Variants in ADGRL2 observed in about 807,000 individuals in gnomAD.
ADGRL2 encodes adhesion G protein-coupled receptor L2.
Under a neutral mutation model 157.4 loss-of-function variants are expected in ADGRL2, and 44 were observed. The observed-to-expected ratio is 0.28, with a 90% confidence interval of 0.22 to 0.36. The LOEUF (loss-of-function observed/expected upper bound fraction) is 0.36, where lower values mean the gene tolerates loss of function less well. Ranked by LOEUF, ADGRL2 falls within the 10% of genes least tolerant of loss-of-function variation. The pLI is 1.00. For missense variants in ADGRL2, 1,510 were observed against 1,768.9 expected (o/e 0.85, Z 2.63); for synonymous variants, 585 against 624.7 (o/e 0.94, Z 0.95).
Position 81,406,012 on chromosome 1 carries a change from G to T in ADGRL2, c.-301-39024G>T, listed in dbSNP as rs979990730. Among the ~76,000 whole-genome samples the T allele has an allele frequency of 9.2e-5, 14 of 152,258 alleles. No individual in the cohort carries two copies. The East Asian group carries it at 2.7e-3, about 29-fold the overall frequency. ...AGTAGAAAGATTTCCCATCTTTACT[G>T]TAATTATCTTGAAAAAGTTTGAGAA... On this transcript the variant is annotated intron_variant, in intron 1 of 24. Coordinates refer to the ADGRL2 transcript ENST00000370721.
intron 2 of ADGRL2, among the ~76,000 whole-genome samples, chr1:81,545,146 C>A (rs948884218): frequency 1.3e-5 from 2 of 152,130 alleles, no homozygotes; most frequent in African/African-American, 4.8e-5. Flanking sequence ...TCTAAATAAT[C>A]TCATATAATG....
intron 1 of ADGRL2, among the ~76,000 whole-genome samples, chr1:81,744,204 T>C (rs1326687148): frequency 6.6e-6 from 1 of 152,172 alleles, no homozygotes; most frequent in African/African-American, 2.4e-5. Flanking sequence ...AATTAAGACA[T>C]GCTCACAATT....
chr1:81,436,010 A>T (rs1187255976), intron 1 of ADGRL2, among the ~76,000 whole-genome samples: 3 of 152,076 alleles, frequency 2.0e-5, no homozygotes, highest in Non-Finnish European at 4.4e-5. Context: ...CAGGAGAATC[A>T]CTTGAATCTG....
At chr1:81,932,226 T>C (rs1321633392) in intron 3 of ADGRL2, among the ~76,000 whole-genome samples, 2 of 152,210 alleles carry the variant, frequency 1.3e-5, no homozygotes, top group Non-Finnish European at 2.9e-5. Context: ...AGCACATTTT[T>C]AGCAAAACAT....
At chr1:81,479,381 G>T (rs1028604092) in intron 2 of ADGRL2, among the ~76,000 whole-genome samples, 1 of 151,976 alleles carries the variant, frequency 6.6e-6, no homozygotes, top group Non-Finnish European at 1.5e-5. Flanking sequence ...TGCTCGGGAG[G>T]CTGAGGCAGG....
chr1:81,464,188 C>T (rs546822241), intron 2 of ADGRL2, among the ~76,000 whole-genome samples: 56 of 152,174 alleles, frequency 3.7e-4, no homozygotes, highest in Admixed American at 1.2e-3. Context: ...TCTTTCTTTT[C>T]TGCAAACATG....
intron 2 of ADGRL2, among the ~76,000 whole-genome samples, chr1:81,466,363 A>G (rs1021455504): frequency 2.1e-4 from 32 of 152,220 alleles, no homozygotes; most frequent in African/African-American, 6.0e-4. Flanking sequence ...GGTTTCGTGC[A>G]GTTTTACAGG....
intron 2 of ADGRL2, among the ~76,000 whole-genome samples, chr1:81,463,562 G>T (rs1404990382): frequency 6.6e-6 from 1 of 152,142 alleles, no homozygotes; most frequent in Non-Finnish European, 1.5e-5. Context: ...ATGAAAAGGA[G>T]GTTTTCCTCT....
chr1:81,989,807 C>T, intron 23 of ADGRL2: 1 of 1,504,824 alleles, frequency 6.6e-7, no homozygotes, highest in South Asian at 1.4e-5. Context: ...TTTAACATGA[C>T]TTCTTTGTAT....
intron 1 of ADGRL2, among the ~76,000 whole-genome samples, chr1:81,720,658 G>C (rs2084278351): frequency 6.6e-6 from 1 of 151,850 alleles, no homozygotes. Flanking sequence ...ACAAATTTCA[G>C]TTATACAAAT....
At chr1:81,657,862 A>T (rs2082568321) in intron 3 of ADGRL2, among the ~76,000 whole-genome samples, 1 of 152,146 alleles carries the variant, frequency 6.6e-6, no homozygotes, top group South Asian at 2.1e-4. Flanking sequence ...ATCTTTTGTA[A>T]TCCTATTACC....
At chr1:81,397,628 T>G (rs973957218) in intron 1 of ADGRL2, among the ~76,000 whole-genome samples, 1 of 151,980 alleles carries the variant, frequency 6.6e-6, no homozygotes, top group Non-Finnish European at 1.5e-5. Context: ...CCTTATAATG[T>G]CTCCTTTTTT....
At chr1:81,872,145 A>C (rs1044600859) in intron 2 of ADGRL2, among the ~76,000 whole-genome samples, 1 of 152,158 alleles carries the variant, frequency 6.6e-6, no homozygotes, top group South Asian at 2.1e-4. Flanking sequence ...TCAGCTTTCT[A>C]CATATGGCTA....
At chr1:81,531,526 A>G (rs549456357) in intron 2 of ADGRL2, among the ~76,000 whole-genome samples, 2 of 152,326 alleles carry the variant, frequency 1.3e-5, no homozygotes, top group African/African-American at 4.8e-5. Context: ...ATTCATCTTA[A>G]GAAGAAAACC....
chr1:81,575,892 C>T (rs1306518203), intron 2 of ADGRL2, among the ~76,000 whole-genome samples: 1 of 152,048 alleles, frequency 6.6e-6, no homozygotes, highest in Non-Finnish European at 1.5e-5. Context: ...ATTTATACTA[C>T]ACAGAATAGC....
chr1:81,534,088 A>C (rs1353944402), intron 2 of ADGRL2, among the ~76,000 whole-genome samples: 5 of 152,190 alleles, frequency 3.3e-5, no homozygotes, highest in Admixed American at 1.3e-4. Context: ...CATCTAACCA[A>C]AATGGGCTTC....
At chr1:81,952,348 A>G (rs1652102591) in intron 9 of ADGRL2, among the ~76,000 whole-genome samples, 1 of 152,094 alleles carries the variant, frequency 6.6e-6, no homozygotes, top group Non-Finnish European at 1.5e-5. Context: ...AATGATGTTA[A>G]TTACCTGAGA....
chr1:81,917,802 C>CA (rs1255251652), intron 3 of ADGRL2, among the ~76,000 whole-genome samples: 5 of 151,694 alleles, frequency 3.3e-5, no homozygotes, highest in African/African-American at 1.2e-4. Flanking sequence ...TTATTGAACT[C>CA]ACCTGTAATT....
At chr1:81,323,345 C>T (rs567554178) in intron 1 of ADGRL2, among the ~76,000 whole-genome samples, 1 of 151,712 alleles carries the variant, frequency 6.6e-6, no homozygotes. Context: ...GCTCATGCAA[C>T]CCTCCCACCT....
Sources: gnomAD v4.1 joint callset for allele counts (sites outside exome capture counted in the v4.1 genomes callset) on GRCh38, gnomAD v4.1.1 for gene constraint, MANE v1.5 for transcripts, NCBI Gene and HGNC (gene_info 2026-07-23, HGNC 2026-07-21) for gene names.